Variants in POU3F3 observed in about 807,000 individuals in gnomAD.
POU3F3 encodes POU domain, class 3, transcription factor 3.
POU3F3 carries 1 observed loss-of-function variant against 8.6 expected under a neutral mutation model. The observed-to-expected ratio is 0.12, with a 90% CI of 0.04 to 0.55. POU3F3 has a LOEUF of 0.55. Ranked by LOEUF, POU3F3 falls within the 20% of genes least tolerant of loss-of-function variation. The pLI is 0.91. For missense variants in POU3F3, 577 were observed against 690.7 expected (o/e 0.84, Z 1.84); for synonymous variants, 418 against 327.4 (o/e 1.28, Z -2.99).
the POU3F3 span, chr2:104,872,737 G>C: frequency 4.9e-6 from 1 of 205,042 alleles, no homozygotes; most frequent in Non-Finnish European, 9.7e-6. The surrounding 1 kb of genome is among the most constrained non-coding windows in gnomAD (Gnocchi z 4.6). Context: ...TCACAGCCAA[G>C]GAGAGGCACA....
the POU3F3 span, among the ~76,000 whole-genome samples, chr2:104,882,317 G>T: frequency 0.028 from 4,208 of 149,658 alleles, 201 homozygotes; most frequent in African/African-American, 0.099. Flanking sequence ...TGTGATCTCG[G>T]CTCACTGCAC....
chr2:104,873,382 G>A, the POU3F3 span, among the ~76,000 whole-genome samples: 1 of 152,094 alleles, frequency 6.6e-6, no homozygotes, highest in Non-Finnish European at 1.5e-5. Context: ...GAGGGAGAGC[G>A]AAGGGAAAAG....
chr2:104,912,016 G>A, the POU3F3 span, among the ~76,000 whole-genome samples: 5 of 152,088 alleles, frequency 3.3e-5, no homozygotes, highest in African/African-American at 4.8e-5. Flanking sequence ...ACTGCAGCGC[G>A]CCTGTTGATA....
the POU3F3 span, among the ~76,000 whole-genome samples, chr2:104,883,380 T>A: frequency 1.3e-5 from 2 of 152,180 alleles, no homozygotes; most frequent in Non-Finnish European, 2.9e-5. Context: ...AATTACAGTT[T>A]TGGTTTTGTT....
At chr2:104,892,842 C>T in the POU3F3 span, among the ~76,000 whole-genome samples, 5 of 152,080 alleles carry the variant, frequency 3.3e-5, no homozygotes, top group South Asian at 2.1e-4. Flanking sequence ...GGATTACAGA[C>T]GTGAGCCACT....
At chr2:104,891,924 T>A in the POU3F3 span, among the ~76,000 whole-genome samples, 8 of 152,160 alleles carry the variant, frequency 5.3e-5, no homozygotes. Context: ...AATACATTAT[T>A]TAGACACAGC....
At chr2:104,868,399 A>G in the POU3F3 span, 1 of 456,556 alleles carries the variant, frequency 2.2e-6, no homozygotes, top group South Asian at 1.5e-5. Flanking sequence ...AACTCTGGGA[A>G]AGGGGTAGGC....
the POU3F3 span, among the ~76,000 whole-genome samples, chr2:104,877,660 C>CT: frequency 0.016 from 2,281 of 138,812 alleles, 28 homozygotes; most frequent in African/African-American, 0.021. Context: ...TTCTTTTTTT[C>CT]TTTTTTTTTT....
In POU3F3 at chr2:104,856,012, G is replaced by A. The variant is rs1364164998; in HGVS notation, c.502G>A (p.Gly168Arg). ...LHAGTALHHRGPPHLGPPPPP... is the reference protein window; with the variant it reads ...LHAGTALHHRRPPHLGPPPPP... ...CGCGGGCACAGCGCTGCACCACCGC[G>A]GGCCGCCGCACCTCGGACCCCCGCC... Residue 168 changes from glycine (G) to arginine (R), a missense_variant, in exon 1 of 1, where the codon GGG (glycine) becomes AGG (arginine). Physicochemically the swap from Gly to Arg is moderately radical, Grantham distance 125. This residue lies in a region of POU3F3 where 484 missense variants were observed against 422.6 expected (regional missense o/e 1.15). Coordinates refer to ENST00000361360, the MANE Select transcript of POU3F3 (RefSeq NM_006236.3). 2.0e-6 allele frequency: 2 copies of A among 987,264 alleles called. No individual in the cohort carries two copies. Among genetic ancestry groups the A allele is most frequent in the Non-Finnish European group, 2.4e-6 (2 of 834,440 alleles). The allele number at this position is 987,264 out of a possible 1,614,324, so 61.2% of individuals were successfully genotyped here. A position where few individuals can be genotyped will look rare whatever the true frequency, so the allele number is the denominator to read the frequency against.
chr2:104,881,064 T>C, the POU3F3 span, among the ~76,000 whole-genome samples: 2 of 151,842 alleles, frequency 1.3e-5, no homozygotes, highest in Non-Finnish European at 2.9e-5. Context: ...ATACAGTTTA[T>C]TTCACATACA....
At chr2:104,881,747 G>A in the POU3F3 span, among the ~76,000 whole-genome samples, 38 of 152,310 alleles carry the variant, frequency 2.5e-4, no homozygotes, top group Middle Eastern at 3.4e-3. Context: ...GGAGGGTTCC[G>A]ATGGAGGGTT....
At chr2:104,903,285 A>G in the POU3F3 span, among the ~76,000 whole-genome samples, 1 of 152,338 alleles carries the variant, frequency 6.6e-6, no homozygotes, top group East Asian at 1.9e-4. Context: ...GTTAATATTA[A>G]TGCTAGATTA....
At chr2:104,926,968 A>G in the POU3F3 span, among the ~76,000 whole-genome samples, 1 of 151,950 alleles carries the variant, frequency 6.6e-6, no homozygotes, top group African/African-American at 2.4e-5. Context: ...GTGAGGGGCT[A>G]GGGGAGGGAT....
At chr2:104,889,800 A>G in the POU3F3 span, among the ~76,000 whole-genome samples, 1 of 152,256 alleles carries the variant, frequency 6.6e-6, no homozygotes, top group South Asian at 2.1e-4. Context: ...TCAGTTTACA[A>G]CTTTCATAAA....
chr2:104,854,055 C>G (rs569343350), upstream of POU3F3, among the ~76,000 whole-genome samples: 1 of 152,200 alleles, frequency 6.6e-6, no homozygotes, highest in Non-Finnish European at 1.5e-5. The surrounding 1 kb of genome is among the most constrained non-coding windows in gnomAD (Gnocchi z 4.5). Flanking sequence ...CCCTGGTGCT[C>G]GACTTCCTTG....
chr2:104,877,319 T>A, the POU3F3 span, among the ~76,000 whole-genome samples: 2 of 152,094 alleles, frequency 1.3e-5, no homozygotes, highest in Non-Finnish European at 2.9e-5. Context: ...AGCGATTAGC[T>A]CTCCCTCCAA....
At chr2:104,860,676 A>G (rs897655005), downstream of POU3F3, among the ~76,000 whole-genome samples, 1 of 149,234 alleles carries the variant, frequency 6.7e-6, no homozygotes, top group Non-Finnish European at 1.5e-5. Flanking sequence ...TCCCACAACC[A>G]TCTTCCCCTG....
chr2:104,912,320 C>G, the POU3F3 span, among the ~76,000 whole-genome samples: 1 of 152,206 alleles, frequency 6.6e-6, no homozygotes, highest in South Asian at 2.1e-4. Flanking sequence ...GCTGAGATCA[C>G]TCACCGGCAT....
At chr2:104,868,907 A>T in the POU3F3 span, among the ~76,000 whole-genome samples, 1 of 152,226 alleles carries the variant, frequency 6.6e-6, no homozygotes, top group African/African-American at 2.4e-5. Flanking sequence ...TGTGGTTTCC[A>T]ACTATAATTC....
Sources: allele counts gnomAD v4.1 joint callset (sites outside exome capture counted in the v4.1 genomes callset), GRCh38; gene constraint gnomAD v4.1.1; regional missense constraint gnomAD v4.1.1; non-coding constraint Gnocchi (gnomAD v3.1); transcripts MANE v1.5; gene names NCBI Gene and HGNC (gene_info 2026-07-23, HGNC 2026-07-21).